The following TUB variants were observed in gnomAD, a reference collection of about 807,000 sequenced individuals.
TUB encodes the protein TUB bipartite transcription factor.
In TUB, 33 loss-of-function variants were observed where a neutral mutation model predicts 59.7. The ratio of observed to expected loss-of-function variants is 0.55; its 90% CI spans 0.42 to 0.74. The LOEUF is 0.74. Among genes scored for constraint, TUB ranks in the 30% least tolerant of loss-of-function variants. The pLI is 0.00. For missense variants in TUB, 659 were observed against 672.0 expected (o/e 0.98, Z 0.21); for synonymous variants, 293 against 256.4 (o/e 1.14, Z -1.36).
At position 8,069,224 on chromosome 11, in the gene TUB, A is replaced by G. The variant is rs942669131; in HGVS notation, c.204-20386A>G. 17 of 152,248 alleles carry G rather than the reference A, an allele frequency of 1.1e-4. 1 individual carries two copies. The highest frequency in any genetic ancestry group is 3.6e-4 in the African/African-American group (15 of 41,548). The allele number at this position is 152,248 out of a possible 1,614,324, so 9.4% of individuals were successfully genotyped here. A position where few individuals can be genotyped will look rare whatever the true frequency, so the allele number is the denominator to read the frequency against. ...ACCATTCCATCTTTGCTTTTTCTCT[A>G]CACAAACCACCTACTACAATAACAA... On this transcript the variant is annotated intron_variant, in intron 2 of 12. Coordinates refer to the TUB transcript ENST00000305253.
chr11:8,098,691 C>T (rs937006726), intron 8 of TUB, 67 bp from the exon 9 acceptor site: 27 of 1,237,038 alleles, frequency 2.2e-5, no homozygotes, highest in Admixed American at 5.3e-5. Flanking sequence ...ATAGGACAGA[C>T]GATGAGCTGT....
At chr11:8,040,598 G>A (rs77954905) in intron 2 of TUB, among the ~76,000 whole-genome samples, 6,805 of 152,206 alleles carry the variant, frequency 0.045, 204 homozygotes, top group Non-Finnish European at 0.055. Context: ...TTTACACATG[G>A]CCTCAAACCA....
intron 6 of TUB, 118 bp downstream of exon 6, chr11:8,096,924 A>T: frequency 1.6e-6 from 2 of 1,234,206 alleles, no homozygotes; most frequent in South Asian, 1.3e-5. Context: ...CTGGCCTCTT[A>T]TGTCCCTCTA....
At chr11:8,030,382 G>T (rs1482305210) in intron 1 of TUB, among the ~76,000 whole-genome samples, 1 of 152,162 alleles carries the variant, frequency 6.6e-6, no homozygotes, top group African/African-American at 2.4e-5. Flanking sequence ...AGTCTCAGCT[G>T]GGAGATTCTG....
At chr11:8,019,713 G>A (rs1251947446) in intron 1 of TUB, among the ~76,000 whole-genome samples, 1 of 151,808 alleles carries the variant, frequency 6.6e-6, no homozygotes, top group Non-Finnish European at 1.5e-5. Context: ...GGCAGGGGCC[G>A]GGGTGGGCCC....
chr11:8,100,816 G>C lies in TUB; in HGVS notation c.1216-10G>C. 6.2e-7 allele frequency: 1 copy of C among 1,613,256 alleles called. No individual in the cohort carries two copies. Among genetic ancestry groups the C allele is most frequent in the Non-Finnish European group, 8.5e-7 (1 of 1,179,528 alleles). On this transcript the variant is annotated splice_polypyrimidine_tract_variant and intron_variant, in intron 10 of 11. Transcript: ENST00000299506. ...GCCTGGGCCTGGCTCAGGTGAGGCT[G>C]CCCTCCCAGGAGCATGAGACACTGC... is the stretch of plus-strand genomic sequence containing the variant.
chr11:8,055,924 GC>G (rs1279029712), intron 2 of TUB, among the ~76,000 whole-genome samples: 1 of 152,204 alleles, frequency 6.6e-6, no homozygotes, highest in Non-Finnish European at 1.5e-5. Flanking sequence ...GGGAGCCTGG[GC>G]TCAGCGTTCA....
upstream of TUB, among the ~76,000 whole-genome samples, chr11:8,037,978 G>A (rs1942675944): frequency 6.6e-6 from 1 of 152,172 alleles, no homozygotes; most frequent in Non-Finnish European, 1.5e-5. Flanking sequence ...AAGGTGAGGT[G>A]CATAGAATTG....
chr11:8,095,386 AGTTTTGCAGAGG>A, intron 4 of TUB, 100 bp from the exon 5 acceptor site: 5 of 1,148,784 alleles, frequency 4.4e-6, no homozygotes, highest in Non-Finnish European at 6.1e-6. Flanking sequence ...TTGCAAATAA[AGTTTTGCAGAGG>A]GTTTCCCCAC....
intron 2 of TUB, among the ~76,000 whole-genome samples, chr11:8,066,936 C>G (rs965917511): frequency 1.3e-5 from 2 of 152,156 alleles, no homozygotes; most frequent in Non-Finnish European, 2.9e-5. Context: ...AGCCCATTAC[C>G]TCCCCCAAAT....
chr11:8,083,990 C>G (rs1245845067), intron 1 of TUB, among the ~76,000 whole-genome samples: 1 of 152,180 alleles, frequency 6.6e-6, no homozygotes, highest in African/African-American at 2.4e-5. Flanking sequence ...GCTGTCTGAT[C>G]ACAGAGAAAA....
At chr11:8,100,466 A>G (rs371425344) in intron 9 of TUB, 37 bp from the exon 10 acceptor site, 266 of 1,549,990 alleles carry the variant, frequency 1.7e-4, no homozygotes, top group Non-Finnish European at 5.3e-5. Flanking sequence ...AGGTAAATAG[A>G]CGCCTCAGGT....
chr11:8,045,601 G>T (rs540475394), intron 2 of TUB, among the ~76,000 whole-genome samples: 1 of 152,232 alleles, frequency 6.6e-6, no homozygotes, highest in Admixed American at 6.5e-5. Context: ...TCAAAGGAAG[G>T]GCTCATTGGA....
Position 8,103,032 on chromosome 11 carries a change from T to C in TUB, c.*1413T>C, listed in dbSNP as rs1034527966. On this transcript the variant is annotated 3_prime_UTR_variant, in exon 12 of 12. Transcript: ENST00000299506. Reference sequence around the variant, plus strand: ...AAATCAGGCAGTTCCCTGTTGAAAGTTGTCTGGCTTTTTGCACGTGAGTAT... The same window carrying C: ...AAATCAGGCAGTTCCCTGTTGAAAGCTGTCTGGCTTTTTGCACGTGAGTAT... The C allele has an allele frequency of 2.0e-5, 3 of 152,290 alleles. No individual in the cohort carries two copies. Among genetic ancestry groups the C allele is most frequent in the African/African-American group, 7.2e-5 (3 of 41,464 alleles). 9.4% of individuals were successfully genotyped at this position (152,290 alleles called of 1,614,324 possible). A position where few individuals can be genotyped will look rare whatever the true frequency, so the allele number is the denominator to read the frequency against.
chr11:8,084,525 G>C (rs192970080), intron 1 of TUB, among the ~76,000 whole-genome samples: 1 of 152,212 alleles, frequency 6.6e-6, no homozygotes, highest in African/African-American at 2.4e-5. Flanking sequence ...GGCCCACGGC[G>C]TATTGGAGGA....
intron 2 of TUB, among the ~76,000 whole-genome samples, chr11:8,051,044 C>T (rs761231502): frequency 8.6e-5 from 13 of 152,004 alleles, no homozygotes; most frequent in African/African-American, 2.9e-4. Context: ...GAGGGGAGCC[C>T]GGGGAGTGGA....
At chr11:8,064,531 TG>T (rs1217944166) in intron 2 of TUB, among the ~76,000 whole-genome samples, 1 of 152,190 alleles carries the variant, frequency 6.6e-6, no homozygotes, top group East Asian at 1.9e-4. Flanking sequence ...TAACATTTGC[TG>T]GGGTCTGGGC....
intron 2 of TUB, among the ~76,000 whole-genome samples, chr11:8,065,988 G>C (rs1943233264): frequency 6.6e-6 from 1 of 152,196 alleles, no homozygotes; most frequent in Admixed American, 6.5e-5. Context: ...GTTTCTCTCT[G>C]TGAGCTCAGA....
chr11:8,083,673 T>C (rs2133819529), intron 1 of TUB, among the ~76,000 whole-genome samples: 1 of 147,854 alleles, frequency 6.8e-6, no homozygotes, highest in African/African-American at 2.5e-5. Context: ...GAATCCTGCC[T>C]CCCTGGAAGC....
Sources: gnomAD v4.1 joint callset for allele counts (sites outside exome capture counted in the v4.1 genomes callset) on GRCh38, gnomAD v4.1.1 for gene constraint, MANE v1.5 for transcripts, NCBI Gene and HGNC (gene_info 2026-07-23, HGNC 2026-07-21) for gene names.